VWC2L: variants seen among roughly 807,000 people sequenced by gnomAD.
VWC2L encodes von Willebrand factor C domain-containing protein 2-like.
A neutral mutation model predicts 21.6 loss-of-function variants in VWC2L; 10 were observed. The ratio of observed to expected loss-of-function variants is 0.46; its 90% CI spans 0.29 to 0.78. VWC2L has a LOEUF of 0.78. VWC2L is among the 30% of genes least tolerant of loss of function. The pLI is 0.10. For synonymous variants in VWC2L, 96 were observed against 94.3 expected, an observed-to-expected ratio of 1.02 and a Z score of -0.10; for missense variants, 209 against 277.1, an observed-to-expected ratio of 0.75 and a Z score of 1.74.
intron 3 of VWC2L, among the ~76,000 whole-genome samples, chr2:214,532,907 C>T (rs775822885): frequency 9.0e-5 from 2 of 22,276 alleles, no homozygotes; most frequent in Non-Finnish European, 1.2e-4. Context: ...AATACAGATG[C>T]TGGAGCAGTG....
At chr2:214,574,220 A>C (rs879780521) in intron 3 of VWC2L, among the ~76,000 whole-genome samples, 1 of 152,316 alleles carries the variant, frequency 6.6e-6, no homozygotes, top group East Asian at 1.9e-4. Context: ...GCTGTTTGTC[A>C]GAGCTGACCC....
chr2:214,540,007 A>C (rs1574625950), intron 3 of VWC2L, among the ~76,000 whole-genome samples: 1 of 152,244 alleles, frequency 6.6e-6, no homozygotes, highest in South Asian at 2.1e-4. Context: ...AAATTGATGA[A>C]CCTACCATAT....
chr2:214,427,942 G>A (rs1702549807), intron 2 of VWC2L, among the ~76,000 whole-genome samples: 1 of 152,124 alleles, frequency 6.6e-6, no homozygotes. Context: ...TTCACAGTGG[G>A]TTGAATCCAT....
chr2:214,560,287 T>C (rs761665082), intron 3 of VWC2L, among the ~76,000 whole-genome samples: 55 of 152,198 alleles, frequency 3.6e-4, no homozygotes, highest in South Asian at 1.0e-3. Flanking sequence ...CACCTACTCA[T>C]CTTTTTTTAG....
chr2:214,536,116 T>C (rs552521120), intron 3 of VWC2L, among the ~76,000 whole-genome samples: 2 of 152,290 alleles, frequency 1.3e-5, no homozygotes, highest in South Asian at 4.1e-4. Context: ...CCCCATGACT[T>C]GCATATTGCA....
chr2:214,437,801 A>ATTTT (rs1035681587), intron 3 of VWC2L, among the ~76,000 whole-genome samples: 7 of 152,136 alleles, frequency 4.6e-5, no homozygotes, highest in Non-Finnish European at 7.4e-5. Flanking sequence ...TTTTTAAAAG[A>ATTTT]TTTTTTAAGT....
At chr2:214,546,995 A>C (rs1481849101) in intron 3 of VWC2L, among the ~76,000 whole-genome samples, 1 of 152,190 alleles carries the variant, frequency 6.6e-6, no homozygotes, top group Non-Finnish European at 1.5e-5. Flanking sequence ...TTCAAAGACC[A>C]GTGTGGAAAT....
At chr2:214,464,905 T>G (rs1703192742) in intron 3 of VWC2L, among the ~76,000 whole-genome samples, 1 of 152,192 alleles carries the variant, frequency 6.6e-6, no homozygotes, top group African/African-American at 2.4e-5. Flanking sequence ...AGTCTCTCTC[T>G]GTGGCCACCA....
At chr2:214,426,282 T>G (rs1574558288) in intron 2 of VWC2L, among the ~76,000 whole-genome samples, 1 of 151,696 alleles carries the variant, frequency 6.6e-6, no homozygotes, top group East Asian at 1.9e-4. Flanking sequence ...AATTGGAACG[T>G]TTGCAAACCT....
intron 3 of VWC2L, among the ~76,000 whole-genome samples, chr2:214,520,767 C>T (rs1029244671): frequency 1.3e-5 from 2 of 151,996 alleles, no homozygotes; most frequent in South Asian, 4.2e-4. Flanking sequence ...TACAAAACTA[C>T]ATATGCGATA....
intron 3 of VWC2L, among the ~76,000 whole-genome samples, chr2:214,441,703 C>G (rs1246347219): frequency 6.6e-6 from 1 of 151,854 alleles, no homozygotes; most frequent in Non-Finnish European, 1.5e-5. Context: ...TAATTCTTCA[C>G]TGGGATAATT....
chr2:214,448,678 T>A (rs1702909504), intron 3 of VWC2L, among the ~76,000 whole-genome samples: 1 of 152,176 alleles, frequency 6.6e-6, no homozygotes, highest in Non-Finnish European at 1.5e-5. Context: ...AGTGCAAAAT[T>A]AATGTTATAC....
intron 3 of VWC2L, among the ~76,000 whole-genome samples, chr2:214,438,031 G>A (rs898828016): frequency 3.3e-5 from 5 of 151,840 alleles, no homozygotes; most frequent in African/African-American, 1.2e-4. Flanking sequence ...TTAGCAGAAA[G>A]AAATAACGCT....
intron 3 of VWC2L, among the ~76,000 whole-genome samples, chr2:214,569,572 T>C (rs1458479886): frequency 6.6e-6 from 1 of 152,200 alleles, no homozygotes; most frequent in African/African-American, 2.4e-5. Flanking sequence ...GAGTTAACTA[T>C]TTGCTCTCGC....
rs539645634 is a variant in VWC2L at position 214,519,001 on chromosome 2, T to TG, written c.521-56667dup. ...TAGTAGCACATTAATCCTAGACCTA[T>TG]GGGGAAAAGACTTGACTGCAATGAG... On this transcript the variant is annotated intron_variant, in intron 3 of 3. Coordinates refer to ENST00000312504, the MANE Select transcript of VWC2L (RefSeq NM_001080500.4). Among the ~76,000 whole-genome samples, 512 of 152,202 alleles carry TG rather than the reference T, an allele frequency of 3.4e-3. 2 individuals carry two copies. Among genetic ancestry groups the TG allele is most frequent in the Non-Finnish European group, 5.0e-3 (341 of 68,016 alleles).
intron 3 of VWC2L, among the ~76,000 whole-genome samples, chr2:214,545,298 C>G (rs1247836331): frequency 1.3e-5 from 2 of 152,196 alleles, no homozygotes; most frequent in Non-Finnish European, 2.9e-5. Context: ...TTAAAAGCCA[C>G]TGTTATTCAT....
intron 3 of VWC2L, among the ~76,000 whole-genome samples, chr2:214,558,875 AT>A (rs914931026): frequency 2.8e-4 from 42 of 150,928 alleles, no homozygotes; most frequent in African/African-American, 9.5e-4. Context: ...TTTTTTTTAA[AT>A]TTTTTTTATT....
chr2:214,562,833 T>C lies in VWC2L; in HGVS notation c.521-12839T>C, dbSNP rs114353431. Among the ~76,000 whole-genome samples, 327 of 152,294 alleles carry C rather than the reference T, an allele frequency of 2.1e-3. 1 individual carries two copies. Among genetic ancestry groups the C allele is most frequent in the Non-Finnish European group, 3.3e-3 (226 of 68,020 alleles). On this transcript the variant is annotated intron_variant, in intron 3 of 3. Transcript: ENST00000312504. ...ATGGGGTTGTTTTTTCTGGTGAATT[T>C]AAGTTCCTTGTAGATTCTGGACATT...
intron 3 of VWC2L, among the ~76,000 whole-genome samples, chr2:214,500,880 A>T (rs1688881671): frequency 6.6e-6 from 1 of 152,222 alleles, no homozygotes; most frequent in Non-Finnish European, 1.5e-5. Context: ...TCTAGGTTAT[A>T]TAAGACCTTT....
Sources: allele counts gnomAD v4.1 joint callset (sites outside exome capture counted in the v4.1 genomes callset), GRCh38; gene constraint gnomAD v4.1.1; transcripts MANE v1.5; gene names NCBI Gene and HGNC (gene_info 2026-07-23, HGNC 2026-07-21).